Variants in CHODL observed in about 807,000 individuals in gnomAD.
CHODL encodes the protein transmembrane protein MT75.
Under a neutral mutation model 34.5 loss-of-function variants are expected in CHODL, and 29 were observed. The ratio of observed to expected loss-of-function variants is 0.84; its 90% CI spans 0.63 to 1.15. CHODL has a LOEUF of 1.15. Among genes scored for constraint, CHODL ranks in the 50% most tolerant of loss-of-function variants. The pLI is 0.00. For missense variants in CHODL, 332 were observed against 332.5 expected (o/e 1.00, Z 0.01); for synonymous variants, 125 against 116.1 (o/e 1.08, Z -0.49).
intron 1 of CHODL, among the ~76,000 whole-genome samples, chr21:17,981,130 C>T (rs1696854434): frequency 6.6e-6 from 1 of 151,808 alleles, no homozygotes; most frequent in Non-Finnish European, 1.5e-5. Flanking sequence ...GTTATTCCAT[C>T]TATGGAAAAC....
intron 2 of CHODL, among the ~76,000 whole-genome samples, chr21:18,074,773 C>A (rs951109430): frequency 2.6e-5 from 4 of 152,056 alleles, no homozygotes; most frequent in African/African-American, 9.7e-5. Flanking sequence ...AGTCTTCAGG[C>A]TGAGTCAGAG....
chr21:18,068,069 T>A (rs2064752396), intron 2 of CHODL, among the ~76,000 whole-genome samples: 1 of 152,180 alleles, frequency 6.6e-6, no homozygotes, highest in Non-Finnish European at 1.5e-5. Flanking sequence ...CACTTATTTT[T>A]ATAAATAAAA....
At chr21:17,953,208 C>T (rs1421647785) in intron 1 of CHODL, among the ~76,000 whole-genome samples, 2 of 152,158 alleles carry the variant, frequency 1.3e-5, no homozygotes, top group African/African-American at 4.8e-5. Context: ...ATAATATTCA[C>T]TAAGTATATA....
chr21:18,216,324 T>A (rs1173686617), intron 2 of CHODL, among the ~76,000 whole-genome samples: 1 of 152,180 alleles, frequency 6.6e-6, no homozygotes, highest in Non-Finnish European at 1.5e-5. Context: ...AAATAGACGA[T>A]AAATTTTTGA....
intron 1 of CHODL, among the ~76,000 whole-genome samples, chr21:17,960,822 C>T (rs2063526835): frequency 6.6e-6 from 1 of 152,108 alleles, no homozygotes; most frequent in Admixed American, 6.6e-5. Context: ...ATTCAGTCCC[C>T]CAAACCTGAA....
intron 2 of CHODL, among the ~76,000 whole-genome samples, chr21:18,051,172 T>C (rs1209894783): frequency 6.6e-6 from 1 of 151,832 alleles, no homozygotes; most frequent in African/African-American, 2.4e-5. Flanking sequence ...AGTGAGAACA[T>C]GGCGGTGTTG....
chr21:18,008,312 TTG>T (rs34024669), intron 1 of CHODL, among the ~76,000 whole-genome samples: 102,317 of 148,566 alleles, frequency 0.69, 35,282 homozygotes, highest in Middle Eastern at 0.77. Context: ...ATTTCTTTGT[TTG>T]TGTGTGTGTG....
intron 1 of CHODL, among the ~76,000 whole-genome samples, chr21:17,917,873 A>ATGTGTG (rs1308184261): frequency 6.2e-5 from 8 of 128,968 alleles, no homozygotes; most frequent in Middle Eastern, 3.6e-3. Flanking sequence ...TCTCTCTGAT[A>ATGTGTG]TGCGTGTGTG....
intron 2 of CHODL, among the ~76,000 whole-genome samples, chr21:18,120,620 G>A (rs1055860109): frequency 6.6e-6 from 1 of 152,072 alleles, no homozygotes; most frequent in African/African-American, 2.4e-5. Context: ...TTTTAAAAAT[G>A]TGTGTGTACA....
intron 2 of CHODL, among the ~76,000 whole-genome samples, chr21:18,143,488 A>G (rs1427434418): frequency 7.3e-6 from 1 of 137,824 alleles, no homozygotes; most frequent in Non-Finnish European, 1.5e-5. Context: ...AATTGTGTTT[A>G]AAAAGTTTTT....
intron 1 of CHODL, among the ~76,000 whole-genome samples, chr21:17,956,959 T>G (rs2063497349): frequency 6.6e-6 from 1 of 151,822 alleles, no homozygotes; most frequent in South Asian, 2.1e-4. Flanking sequence ...AGCATTTGAA[T>G]CAGTGAACTG....
intron 2 of CHODL, among the ~76,000 whole-genome samples, chr21:18,038,676 C>T (rs958486262): frequency 6.6e-6 from 1 of 151,666 alleles, no homozygotes; most frequent in South Asian, 2.1e-4. Context: ...CACTAAATTA[C>T]TTGCACTTGG....
At chr21:18,190,426 G>T (rs1422925880) in intron 2 of CHODL, among the ~76,000 whole-genome samples, 2 of 152,104 alleles carry the variant, frequency 1.3e-5, no homozygotes, top group East Asian at 3.9e-4. Flanking sequence ...AATGGCTTCT[G>T]CACAATTAAA....
At chr21:18,135,388 A>T (rs1252193732) in intron 2 of CHODL, among the ~76,000 whole-genome samples, 1 of 152,048 alleles carries the variant, frequency 6.6e-6, no homozygotes, top group Non-Finnish European at 1.5e-5. Flanking sequence ...GCAAAATCTT[A>T]CATGAAACTC....
chr21:17,972,767 G>A (rs197537), intron 1 of CHODL, among the ~76,000 whole-genome samples: 1 of 151,928 alleles, frequency 6.6e-6, no homozygotes, highest in Non-Finnish European at 1.5e-5. Flanking sequence ...ACCATTGGCT[G>A]TTTTCACAGA....
chr21:18,031,062 A>G (rs752775857), intron 2 of CHODL, among the ~76,000 whole-genome samples: 3 of 152,148 alleles, frequency 2.0e-5, no homozygotes, highest in Non-Finnish European at 4.4e-5. Flanking sequence ...ATTAGTTACT[A>G]AATTAGAATG....
intron 1 of CHODL, among the ~76,000 whole-genome samples, chr21:17,988,124 G>A (rs2063767937): frequency 6.6e-6 from 1 of 152,168 alleles, no homozygotes; most frequent in Non-Finnish European, 1.5e-5. Context: ...AAAAATTCCA[G>A]CAGTTGCAAA....
chr21:18,139,448 A>G (rs1198106880), intron 2 of CHODL, among the ~76,000 whole-genome samples: 1 of 151,050 alleles, frequency 6.6e-6, no homozygotes, highest in Non-Finnish European at 1.5e-5. Flanking sequence ...TGTGTTATAA[A>G]ATTCATTATT....
intron 1 of CHODL, among the ~76,000 whole-genome samples, chr21:17,941,259 A>G (rs1036113182): frequency 3.3e-5 from 5 of 150,214 alleles, no homozygotes; most frequent in Admixed American, 1.3e-4. Flanking sequence ...AATTTTGGGG[A>G]AGAAAATCCC....
Sources: allele counts gnomAD v4.1 joint callset (sites outside exome capture counted in the v4.1 genomes callset), GRCh38; gene constraint gnomAD v4.1.1; transcripts MANE v1.5; gene names NCBI Gene and HGNC (gene_info 2026-07-23, HGNC 2026-07-21).